AHCY: variants seen among roughly 807,000 people sequenced by gnomAD.
The protein encoded by AHCY is adenosylhomocysteinase.
Under a neutral mutation model 45.4 loss-of-function variants are expected in AHCY, and 24 were observed. The ratio of observed to expected loss-of-function variants is 0.53; its 90% CI spans 0.38 to 0.74. AHCY has a LOEUF of 0.74. AHCY is among the 30% of genes least tolerant of loss of function. The pLI, the probability that AHCY is intolerant of heterozygous loss-of-function variation, is 0.00. For synonymous variants in AHCY, 245 were observed against 235.1 expected, an observed-to-expected ratio of 1.04 and a Z score of -0.39; for missense variants, 449 against 594.1, an observed-to-expected ratio of 0.76 and a Z score of 2.54.
intron 1 of AHCY, chr20:34,301,881 T>C (rs2036783753): frequency 6.1e-6 from 6 of 985,358 alleles, no homozygotes; most frequent in Non-Finnish European, 7.2e-6. Context: ...ATGCTCTATA[T>C]AACGGGATTA....
downstream of AHCY, among the ~76,000 whole-genome samples, chr20:34,276,451 G>A (rs1389770429): frequency 2.0e-5 from 3 of 152,106 alleles, no homozygotes; most frequent in Admixed American, 6.5e-5. Context: ...ACTCTAGGGA[G>A]GCACCCACCT....
At chr20:34,293,099 T>G (rs1033214463) in intron 3 of AHCY, among the ~76,000 whole-genome samples, 1 of 152,110 alleles carries the variant, frequency 6.6e-6, no homozygotes, top group Non-Finnish European at 1.5e-5. Flanking sequence ...CAGACATGAC[T>G]CTAAATCCTC....
chr20:34,270,352 C>G, the AHCY span, among the ~76,000 whole-genome samples: 1 of 152,148 alleles, frequency 6.6e-6, no homozygotes, highest in Non-Finnish European at 1.5e-5. Flanking sequence ...AACACACACA[C>G]CCCCACACAG....
intron 1 of AHCY, among the ~76,000 whole-genome samples, chr20:34,298,362 C>T (rs1318501242): frequency 6.6e-6 from 1 of 151,910 alleles, no homozygotes; most frequent in African/African-American, 2.4e-5. Context: ...GCTCTATAAT[C>T]ATAGCCTAGG....
At chr20:34,311,390 G>GC (rs1201295019) in intron 1 of AHCY, 1 of 152,240 alleles carries the variant, frequency 6.6e-6, no homozygotes, top group Non-Finnish European at 1.5e-5. Flanking sequence ...CCAGGTCCAG[G>GC]CCCCAGTGGA....
the AHCY span, among the ~76,000 whole-genome samples, chr20:34,258,674 C>T: frequency 1.2e-3 from 15 of 12,152 alleles, no homozygotes; most frequent in Admixed American, 1.9e-3. Context: ...AGGGGGATGC[C>T]ATATATATAT....
At chr20:34,267,916 A>G in the AHCY span, among the ~76,000 whole-genome samples, 7 of 151,090 alleles carry the variant, frequency 4.6e-5, no homozygotes, top group Non-Finnish European at 8.8e-5. Flanking sequence ...ACATTTCAAT[A>G]TGTGATTAAT....
chr20:34,311,675 G>C (rs1246688925), exon 1 of AHCY: 1 of 152,602 alleles, frequency 6.6e-6, no homozygotes, highest in African/African-American at 2.4e-5. Context: ...ATAGAGAGGG[G>C]TGCAGGCGCT....
At chr20:34,251,815 C>G in the AHCY span, among the ~76,000 whole-genome samples, 1 of 152,108 alleles carries the variant, frequency 6.6e-6, no homozygotes, top group Admixed American at 6.5e-5. Context: ...AGCCCTTCCA[C>G]CTTGTGAGAT....
At chr20:34,258,753 A>G in the AHCY span, among the ~76,000 whole-genome samples, 31 of 84,048 alleles carry the variant, frequency 3.7e-4, 3 homozygotes, top group South Asian at 9.1e-3. Context: ...TACTATATAT[A>G]ATATATGATA....
chr20:34,234,462 T>C, the AHCY span, among the ~76,000 whole-genome samples: 1 of 152,102 alleles, frequency 6.6e-6, no homozygotes, highest in Non-Finnish European at 1.5e-5. Flanking sequence ...CGCTATCAGC[T>C]TTCTTTCTTT....
the AHCY span, among the ~76,000 whole-genome samples, chr20:34,252,678 C>G: frequency 6.6e-6 from 1 of 152,192 alleles, no homozygotes; most frequent in Non-Finnish European, 1.5e-5. Flanking sequence ...ACTACTCCCC[C>G]TCAGCACAGA....
downstream of AHCY, among the ~76,000 whole-genome samples, chr20:34,277,774 A>T (rs1480842626): frequency 2.0e-5 from 3 of 151,362 alleles, no homozygotes; most frequent in Non-Finnish European, 4.4e-5. Context: ...AAAAAAAAAA[A>T]AAAAACTCAG....
chr20:34,237,158 G>A, the AHCY span, among the ~76,000 whole-genome samples: 1 of 152,100 alleles, frequency 6.6e-6, no homozygotes, highest in Admixed American at 6.5e-5. Context: ...TTGAAATCAA[G>A]AAGTGTGAGT....
At chr20:34,274,189 T>G in the AHCY span, among the ~76,000 whole-genome samples, 1 of 152,218 alleles carries the variant, frequency 6.6e-6, no homozygotes, top group Admixed American at 6.5e-5. Context: ...GCAGTTATCA[T>G]AGTGCCATAC....
intron 1 of AHCY, among the ~76,000 whole-genome samples, chr20:34,301,357 CCA>C (rs777767954): frequency 3.3e-5 from 5 of 152,144 alleles, no homozygotes; most frequent in Admixed American, 6.5e-5. Context: ...TGTGCCAGCC[CCA>C]CAGTTTTCCC....
intron 1 of AHCY, chr20:34,301,897 A>C: frequency 1.0e-6 from 1 of 985,448 alleles, no homozygotes; most frequent in Non-Finnish European, 1.2e-6. Flanking sequence ...GATTACGTCC[A>C]CCTCTATGAA....
the AHCY span, among the ~76,000 whole-genome samples, chr20:34,238,769 C>A: frequency 1.3e-5 from 2 of 152,014 alleles, no homozygotes; most frequent in Non-Finnish European, 1.5e-5. Context: ...AATGTGGTAA[C>A]TCTAGAAACC....
At chr20:34,282,443 C>A (rs1375194369) in intron 9 of AHCY, among the ~76,000 whole-genome samples, 1 of 152,202 alleles carries the variant, frequency 6.6e-6, no homozygotes, top group Non-Finnish European at 1.5e-5. Context: ...ATCTCAAATT[C>A]TTGACCCACA....
Sources: gnomAD v4.1 joint callset for allele counts (sites outside exome capture counted in the v4.1 genomes callset) on GRCh38, gnomAD v4.1.1 for gene constraint, MANE v1.5 for transcripts, NCBI Gene and HGNC (gene_info 2026-07-23, HGNC 2026-07-21) for gene names.